LAMA2: variants seen among roughly 807,000 people sequenced by gnomAD.
LAMA2 encodes laminin subunit alpha-2.
In LAMA2, 269 loss-of-function variants were observed where a neutral mutation model predicts 364.8. That is an observed-to-expected ratio of 0.74 (90% CI 0.67 to 0.82). The LOEUF (loss-of-function observed/expected upper bound fraction) is 0.82, where lower values mean the gene tolerates loss of function less well. Ranked by LOEUF, LAMA2 falls within the 40% of genes least tolerant of loss-of-function variation. The pLI is 0.00. For synonymous variants in LAMA2, 1,379 were observed against 1,370.6 expected (o/e 1.01, Z -0.14); for missense variants, 3,807 against 3,873.2 (o/e 0.98, Z 0.45).
chr6:129,403,991 G>T, intron 40 of LAMA2, 32 bp downstream of exon 40: 1 of 1,612,314 alleles, frequency 6.2e-7, no homozygotes, highest in African/African-American at 1.3e-5. Flanking sequence ...TGCTGGGAAT[G>T]GAAGTCAACC....
intron 29 of LAMA2, among the ~76,000 whole-genome samples, chr6:129,337,928 G>A (rs142292534): frequency 2.2e-4 from 34 of 152,034 alleles, no homozygotes; most frequent in African/African-American, 7.7e-4. Context: ...ATATGAAAAG[G>A]GTATGTCAAA....
intron 40 of LAMA2, among the ~76,000 whole-genome samples, chr6:129,419,055 G>C (rs1029823609): frequency 1.3e-5 from 2 of 150,952 alleles, no homozygotes; most frequent in African/African-American, 4.9e-5. Context: ...TGGCTTTAGT[G>C]ATTTTTTTTT....
chr6:129,139,526 A>G (rs1194079370), intron 4 of LAMA2, among the ~76,000 whole-genome samples: 2 of 152,138 alleles, frequency 1.3e-5, no homozygotes, highest in Non-Finnish European at 2.9e-5. Flanking sequence ...TGCACATACT[A>G]TGCCATTTCA....
intron 1 of LAMA2, among the ~76,000 whole-genome samples, chr6:128,997,233 T>C (rs764835474): frequency 3.3e-5 from 5 of 151,126 alleles, no homozygotes; most frequent in Non-Finnish European, 7.4e-5. Flanking sequence ...TGTATTCCTA[T>C]GTAACAAACC....
chr6:129,046,385 G>A (rs1340309456), intron 1 of LAMA2, among the ~76,000 whole-genome samples: 1 of 152,154 alleles, frequency 6.6e-6, no homozygotes, highest in Non-Finnish European at 1.5e-5. Flanking sequence ...ATGGTGGAAG[G>A]CAAAGAAGTA....
At chr6:129,404,113 G>T (rs1780123948) in intron 40 of LAMA2, among the ~76,000 whole-genome samples, 154 bp downstream of exon 40, 1 of 152,008 alleles carries the variant, frequency 6.6e-6, no homozygotes, top group Non-Finnish European at 1.5e-5. Context: ...TAAATTCTCG[G>T]TATGCTATAA....
chr6:129,070,231 GC>G lies in LAMA2; in HGVS notation c.396+10336del, dbSNP rs371170206. Among the ~76,000 whole-genome samples the G allele has an allele frequency of 6.8e-3, 1,029 of 152,204 alleles. 12 individuals are homozygous for G. The highest frequency in any genetic ancestry group is 0.023 in the African/African-American group (961 of 41,526). On this transcript the variant is annotated intron_variant, in intron 3 of 64. Coordinates refer to ENST00000421865, the MANE Select transcript of LAMA2 (RefSeq NM_000426.4). ...ATAAGGATAAAGTGATGTGTTATAG[GC>G]AAAGAGCATAGCACACTGCTGCACT...
intron 17 of LAMA2, among the ~76,000 whole-genome samples, chr6:129,278,227 A>T (rs541903755): frequency 2.7e-4 from 41 of 152,290 alleles, no homozygotes; most frequent in Admixed American, 4.6e-4. Flanking sequence ...AAATATTTTT[A>T]AAAATGTCAG....
rs1190231274 is a variant in LAMA2 at position 129,486,558 on chromosome 6, A to G, written c.7834A>G (p.Arg2612Gly). ...ACGAACAATGAGGAAAATTGTGATC[A>G]GACCAGAGCCGAATCTGTTTCATGA... Reference protein sequence around the residue: ...GARTMRKIVIRPEPNLFHDGR... With the variant: ...GARTMRKIVIGPEPNLFHDGR... Residue 2612 changes from arginine (R) to glycine (G), a missense_variant, in exon 56 of 65, where the codon AGA becomes GGA. By Grantham distance (125) the Arg-to-Gly change is moderately radical (BLOSUM62 -2). Around this residue, in one of 3 missense-constraint regions of LAMA2, gnomAD observed 3,333 missense variants for 3,345.7 expected, o/e 1.00. Transcript: ENST00000421865. 5 of 1,614,040 alleles carry G rather than the reference A, an allele frequency of 3.1e-6. No individual in the cohort carries two copies. The highest frequency in any genetic ancestry group is 1.7e-5 in the Admixed American group (1 of 60,018).
In LAMA2 at chr6:129,503,143, T is replaced by C. The variant is rs1785782361; in HGVS notation, c.8410T>C (p.Tyr2804His). 1.2e-6 allele frequency: 2 copies of C among 1,614,112 alleles called. No homozygotes were observed. The highest frequency in any genetic ancestry group is 1.7e-5 in the Admixed American group (1 of 60,006). Residue 2804 changes from tyrosine to histidine, a missense_variant, in exon 60 of 65, where the codon TAC (tyrosine) becomes CAC (histidine). Coordinates refer to ENST00000421865, the MANE Select transcript of LAMA2 (RefSeq NM_000426.4). ...RTEAESGLLF[Y>H]MARINHADFA... The stretch of plus-strand genomic sequence containing the variant: ...CGAAGCTGAATCCGGCTTGCTTTTT[T>C]ACATGGCTCGCATCAATCATGCTGA...
chr6:129,397,287 C>CT (rs1407584597), intron 37 of LAMA2, among the ~76,000 whole-genome samples: 3 of 152,158 alleles, frequency 2.0e-5, no homozygotes, highest in African/African-American at 7.2e-5. Flanking sequence ...CTTAAATACT[C>CT]TAAGTTTCCT....
At chr6:129,385,812 CTCAGA>C (rs1304474469) in intron 35 of LAMA2, among the ~76,000 whole-genome samples, 1 of 152,122 alleles carries the variant, frequency 6.6e-6, no homozygotes, top group Non-Finnish European at 1.5e-5. Flanking sequence ...CTTCCTGTTT[CTCAGA>C]TCAGAGTATT....
chr6:129,380,823 T>A (rs574914486), intron 34 of LAMA2, among the ~76,000 whole-genome samples: 2 of 152,272 alleles, frequency 1.3e-5, no homozygotes, highest in African/African-American at 4.8e-5. Flanking sequence ...TTCTTGACAA[T>A]TTAGTATTGA....
At chr6:129,268,555 A>G (rs1372718624) in intron 16 of LAMA2, among the ~76,000 whole-genome samples, 1 of 152,076 alleles carries the variant, frequency 6.6e-6, no homozygotes, top group Admixed American at 6.6e-5. Context: ...CATTAGGATG[A>G]AAGCAAATTA....
At chr6:128,892,100 T>TA (rs957189908) in intron 1 of LAMA2, among the ~76,000 whole-genome samples, 12 of 151,218 alleles carry the variant, frequency 7.9e-5, no homozygotes, top group Admixed American at 1.3e-4. Context: ...AGCATAAAAC[T>TA]AAAAAAAAAG....
chr6:129,084,456 A>G (rs570406282), intron 3 of LAMA2, among the ~76,000 whole-genome samples: 13 of 152,284 alleles, frequency 8.5e-5, no homozygotes, highest in African/African-American at 2.9e-4. Context: ...AATATCTACA[A>G]TTCAAATCAT....
chr6:128,972,189 G>A (rs918900922), intron 1 of LAMA2, among the ~76,000 whole-genome samples: 2 of 152,128 alleles, frequency 1.3e-5, no homozygotes, highest in Non-Finnish European at 2.9e-5. Context: ...TATGTGCTTT[G>A]AAGCAATTAC....
chr6:128,966,366 G>A (rs1472036339), intron 1 of LAMA2, among the ~76,000 whole-genome samples: 1 of 151,832 alleles, frequency 6.6e-6, no homozygotes, highest in Non-Finnish European at 1.5e-5. Context: ...AATTATTTTT[G>A]GGAAATACAA....
At chr6:129,326,469 G>A (rs1775291178) in intron 28 of LAMA2, among the ~76,000 whole-genome samples, 1 of 151,840 alleles carries the variant, frequency 6.6e-6, no homozygotes, top group South Asian at 2.1e-4. Context: ...TCCTCGATGA[G>A]GAGTATTACT....
Sources: gnomAD v4.1 joint callset for allele counts (sites outside exome capture counted in the v4.1 genomes callset) on GRCh38, gnomAD v4.1.1 for gene constraint, gnomAD v4.1.1 regional missense constraint, MANE v1.5 for transcripts, NCBI Gene and HGNC (gene_info 2026-07-23, HGNC 2026-07-21) for gene names.